The following ZNF664 variants were observed in gnomAD, a reference collection of about 807,000 sequenced individuals.
ZNF664 encodes zinc finger protein 664.
A neutral mutation model predicts 18.2 loss-of-function variants in ZNF664; 10 were observed. That is an observed-to-expected ratio of 0.55 (90% CI 0.34 to 0.93). The LOEUF (loss-of-function observed/expected upper bound fraction) is 0.93. Ranked by LOEUF, ZNF664 falls within the 40% of genes least tolerant of loss-of-function variation. ZNF664 has a pLI of 0.02. For synonymous variants in ZNF664, 119 were observed against 104.2 expected (o/e 1.14, Z -0.86); for missense variants, 193 against 319.0 (o/e 0.61, Z 3.01).
At chr12:123,983,702 G>C (rs1956792773) in intron 2 of ZNF664, among the ~76,000 whole-genome samples, 1 of 152,308 alleles carries the variant, frequency 6.6e-6, no homozygotes, top group South Asian at 2.1e-4. Context: ...ATCACTTTTG[G>C]ATGTGTAGTT....
chr12:123,984,383 G>A (rs1343228491), intron 2 of ZNF664, among the ~76,000 whole-genome samples: 1 of 152,148 alleles, frequency 6.6e-6, no homozygotes, highest in Non-Finnish European at 1.5e-5. Flanking sequence ...CGGTGGTGTG[G>A]TGTTGGATTG....
intron 3 of ZNF664, among the ~76,000 whole-genome samples, chr12:123,996,782 C>G (rs1202293301): frequency 1.3e-5 from 2 of 152,148 alleles, no homozygotes. Flanking sequence ...GGGAATGAAG[C>G]TCATTCCTGC....
Position 124,011,725 on chromosome 12 carries a change from G to A in ZNF664, c.-420G>A, listed in dbSNP as rs866879219. 2.6e-5 allele frequency: 26 copies of A among 1,009,098 alleles called. No individual in the cohort carries two copies. In the African/African-American group the frequency reaches 3.8e-4, roughly 15 times the overall value. 62.5% of individuals were successfully genotyped at this position (1,009,098 alleles called of 1,614,324 possible). On this transcript the variant is annotated 5_prime_UTR_variant, in exon 5 of 5. Transcript: ENST00000337815. ...ACCAGCCAGCAGTATCTCATCCTTC[G>A]ATACAGGGGATATACTGTACAGTCC...
At chr12:123,988,262 T>C (rs1956847561) in intron 3 of ZNF664, 124 bp downstream of exon 3, 1 of 842,294 alleles carries the variant, frequency 1.2e-6, no homozygotes, top group Non-Finnish European at 1.6e-6. Flanking sequence ...AGGAAGCAGC[T>C]CTCCGTGCAC....
chr12:123,976,523 GT>G (rs1187755918), intron 2 of ZNF664, among the ~76,000 whole-genome samples: 1 of 152,210 alleles, frequency 6.6e-6, no homozygotes, highest in Admixed American at 6.5e-5. Flanking sequence ...GGTTAAAGTG[GT>G]TGTATTTTAT....
chr12:123,999,077 C>T (rs1956982711), intron 3 of ZNF664, among the ~76,000 whole-genome samples: 3 of 152,242 alleles, frequency 2.0e-5, no homozygotes, highest in Middle Eastern at 3.4e-3. Context: ...CTTAGTGCAT[C>T]GTCTCCTGAG....
At chr12:123,995,990 A>T (rs780374820) in intron 3 of ZNF664, among the ~76,000 whole-genome samples, 86 of 152,142 alleles carry the variant, frequency 5.7e-4, no homozygotes, top group Non-Finnish European at 1.1e-3. Context: ...AGGGAGAGGT[A>T]ATCCCTGAAC....
intron 3 of ZNF664, chr12:124,005,801 T>TA (rs1957066445): frequency 6.6e-6 from 1 of 152,496 alleles, no homozygotes; most frequent in Admixed American, 6.5e-5. Flanking sequence ...CATTGTCCTA[T>TA]ACCTCCCTGG....
At chr12:124,008,336 C>T (rs1214016103) in intron 3 of ZNF664, among the ~76,000 whole-genome samples, 9 of 152,126 alleles carry the variant, frequency 5.9e-5, no homozygotes, top group Non-Finnish European at 1.3e-4. Context: ...TGGGTGTTTC[C>T]CATTGCACCA....
Position 124,013,047 on chromosome 12 carries a change from T to C in ZNF664, c.*117T>C. 4 of 1,303,352 alleles carry C rather than the reference T, an allele frequency of 3.1e-6. No homozygotes were observed. Among genetic ancestry groups the C allele is most frequent in the Non-Finnish European group, 4.2e-6 (4 of 963,034 alleles). The allele number at this position is 1,303,352 out of a possible 1,614,324, so 80.7% of individuals were successfully genotyped here. A position where few individuals can be genotyped will look rare whatever the true frequency, so the allele number is the denominator to read the frequency against. On this transcript the variant is annotated 3_prime_UTR_variant, in exon 5 of 5. Coordinates refer to ENST00000337815, the MANE Select transcript of ZNF664 (RefSeq NM_152437.3). The stretch of plus-strand genomic sequence containing the variant: ...ACGCAATCCCTAGCAGAACATTGTT[T>C]CTGAGGAGGCATATGTGAGATTGAT...
At chr12:123,983,287 A>C (rs553519035) in intron 2 of ZNF664, among the ~76,000 whole-genome samples, 1 of 152,354 alleles carries the variant, frequency 6.6e-6, no homozygotes, top group Non-Finnish European at 1.5e-5. Context: ...TTAATTTTGA[A>C]GATGTAGCAG....
chr12:123,973,410 C>G, intron 1 of ZNF664, 58 bp downstream of exon 1: 3 of 921,062 alleles, frequency 3.3e-6, no homozygotes, highest in Non-Finnish European at 3.9e-6. Context: ...GAGGCGGGGG[C>G]CGGGGGCCAG....
chr12:123,999,580 CTT>C (rs1319379689), intron 3 of ZNF664, among the ~76,000 whole-genome samples: 1 of 152,104 alleles, frequency 6.6e-6, no homozygotes, highest in Non-Finnish European at 1.5e-5. Context: ...TTAAAAACGA[CTT>C]TAGATTTTTC....
intron 1 of ZNF664, 87 bp downstream of exon 1, chr12:123,973,439 G>T: frequency 4.6e-6 from 3 of 655,996 alleles, no homozygotes; most frequent in African/African-American, 2.0e-5. Context: ...CTGGGGGTGG[G>T]AAGGAGGTGG....
intron 2 of ZNF664, among the ~76,000 whole-genome samples, chr12:123,984,119 G>T (rs1956797646): frequency 6.6e-6 from 1 of 152,196 alleles, no homozygotes; most frequent in South Asian, 2.1e-4. Context: ...AGAACCAGTG[G>T]GCGAGATGGT....
Position 123,973,348 on chromosome 12 carries a change from T to C in ZNF664, c.-896T>C. On this transcript the variant is annotated 5_prime_UTR_variant, in exon 1 of 5. Transcript: ENST00000337815. ...GGCCTGGGGCGCTGACTCCCCTCACTTGGAGTGAGTTCTCGGCGGCCGGGC... is the reference window on the plus strand; with the variant it reads ...GGCCTGGGGCGCTGACTCCCCTCACCTGGAGTGAGTTCTCGGCGGCCGGGC... The C allele has an allele frequency of 1.0e-6, 1 of 958,690 alleles. No homozygotes were observed. The highest frequency in any genetic ancestry group is 1.2e-6 in the Non-Finnish European group (1 of 814,420). The allele number at this position is 958,690 out of a possible 1,614,324, so 59.4% of individuals were successfully genotyped here. A position where few individuals can be genotyped will look rare whatever the true frequency, so the allele number is the denominator to read the frequency against.
Position 124,002,796 on chromosome 12 carries a change from G to T in ZNF664, c.-660-8585G>T, listed in dbSNP as rs548391123. Among the ~76,000 whole-genome samples the T allele has an allele frequency of 9.7e-3, 1,470 of 152,278 alleles. 10 individuals carry two copies. Among genetic ancestry groups the T allele is most frequent in the Non-Finnish European group, 0.016 (1,122 of 68,018 alleles). ...GCCTTTCAGCAGAGATTATGGAGCA[G>T]TCCAGGGCTAGAGATAAAAATGGGA... On this transcript the variant is annotated intron_variant, in intron 3 of 4. Transcript: ENST00000337815.
At chr12:124,010,322 T>C (rs566180741) in intron 3 of ZNF664, among the ~76,000 whole-genome samples, 1 of 152,354 alleles carries the variant, frequency 6.6e-6, no homozygotes, top group Non-Finnish European at 1.5e-5. Context: ...AAAGTGTTAC[T>C]TTAAGAAGAC....
At chr12:124,010,573 G>C (rs779536726) in intron 3 of ZNF664, among the ~76,000 whole-genome samples, 3 of 152,178 alleles carry the variant, frequency 2.0e-5, no homozygotes, top group Non-Finnish European at 4.4e-5. Context: ...GAATGAAGCA[G>C]GATATGTGTG....
Sources: gnomAD v4.1 joint callset for allele counts (sites outside exome capture counted in the v4.1 genomes callset) on GRCh38, gnomAD v4.1.1 for gene constraint, MANE v1.5 for transcripts, NCBI Gene and HGNC (gene_info 2026-07-23, HGNC 2026-07-21) for gene names.